Variants in CNTN5 observed in about 807,000 individuals in gnomAD.
CNTN5 encodes the protein contactin 5.
CNTN5 carries 77 observed loss-of-function variants against 129.1 expected under a neutral mutation model. The observed-to-expected ratio is 0.60, with a 90% CI of 0.50 to 0.72. The LOEUF (loss-of-function observed/expected upper bound fraction) is 0.72. Ranked by LOEUF, CNTN5 falls within the 30% of genes least tolerant of loss-of-function variation. CNTN5 has a pLI of 0.00. For missense variants in CNTN5, 1,478 were observed against 1,328.8 expected, an observed-to-expected ratio of 1.11 and a Z score of -1.75; for synonymous variants, 509 against 465.6, an observed-to-expected ratio of 1.09 and a Z score of -1.20.
At chr11:99,778,845 AT>A (rs1266670873) in intron 3 of CNTN5, among the ~76,000 whole-genome samples, 22 of 140,182 alleles carry the variant, frequency 1.6e-4, no homozygotes, top group African/African-American at 4.5e-4. Context: ...AATATCAACA[AT>A]TTTTCTCTAT....
chr11:99,741,605 C>G (rs1943889962), intron 3 of CNTN5, among the ~76,000 whole-genome samples: 1 of 152,098 alleles, frequency 6.6e-6, no homozygotes, highest in Non-Finnish European at 1.5e-5. Flanking sequence ...ACTTACTTAA[C>G]TGTTCAATGA....
At chr11:100,130,439 G>C (rs10501947) in intron 13 of CNTN5, among the ~76,000 whole-genome samples, 6,907 of 152,148 alleles carry the variant, frequency 0.045, 354 homozygotes, top group African/African-American at 0.12. Context: ...CAAAGAATAT[G>C]GAAAAGAATA....
chr11:100,301,158 A>G (rs1951210226), intron 20 of CNTN5, among the ~76,000 whole-genome samples: 1 of 151,660 alleles, frequency 6.6e-6, no homozygotes, highest in Admixed American at 6.6e-5. Context: ...GTTATTCAGA[A>G]AGTACATATT....
chr11:100,050,720 GAT>G (rs1163160683), intron 9 of CNTN5, among the ~76,000 whole-genome samples: 1 of 151,944 alleles, frequency 6.6e-6, no homozygotes, highest in African/African-American at 2.4e-5. Context: ...TATATATGAA[GAT>G]ATATATGTTA....
intron 3 of CNTN5, among the ~76,000 whole-genome samples, chr11:99,647,522 G>C (rs1047643604): frequency 2.0e-5 from 3 of 151,734 alleles, no homozygotes; most frequent in African/African-American, 7.3e-5. Flanking sequence ...CACTATTAAT[G>C]ATCTTTTGTG....
At chr11:100,153,398 A>T (rs1312561957) in intron 13 of CNTN5, among the ~76,000 whole-genome samples, 1 of 152,126 alleles carries the variant, frequency 6.6e-6, no homozygotes, top group African/African-American at 2.4e-5. Flanking sequence ...TCTGATAATA[A>T]TGTATCTATT....
At chr11:100,033,037 T>G (rs1941803933) in intron 9 of CNTN5, among the ~76,000 whole-genome samples, 1 of 152,208 alleles carries the variant, frequency 6.6e-6, no homozygotes, top group Non-Finnish European at 1.5e-5. Flanking sequence ...GAAAATTAAA[T>G]AGGGAGGTAA....
intron 1 of CNTN5, among the ~76,000 whole-genome samples, chr11:99,307,242 C>T (rs189171437): frequency 2.0e-5 from 3 of 152,258 alleles, no homozygotes; most frequent in Admixed American, 2.0e-4. Flanking sequence ...AGGATTAATT[C>T]GTTCAAGTTA....
chr11:99,126,471 T>C (rs184019538), intron 1 of CNTN5, among the ~76,000 whole-genome samples: 1 of 152,304 alleles, frequency 6.6e-6, no homozygotes, highest in Admixed American at 6.5e-5. Context: ...TGTTCAGCCT[T>C]CTCCTGAATA....
chr11:99,145,148 C>A (rs1242903871), intron 1 of CNTN5, among the ~76,000 whole-genome samples: 2 of 152,130 alleles, frequency 1.3e-5, no homozygotes, highest in Non-Finnish European at 2.9e-5. Flanking sequence ...CAGCTCGCTA[C>A]AACCTCAGCC....
chr11:100,057,687 G>A (rs1943291930), intron 9 of CNTN5, among the ~76,000 whole-genome samples: 1 of 102,890 alleles, frequency 9.7e-6, no homozygotes, highest in Non-Finnish European at 1.9e-5. Context: ...ATTTCCCGAG[G>A]TCACCATAGC....
chr11:100,294,678 A>T (rs1421642877), intron 18 of CNTN5, among the ~76,000 whole-genome samples: 1 of 151,642 alleles, frequency 6.6e-6, no homozygotes, highest in Admixed American at 6.6e-5. Context: ...GTAAATATGT[A>T]TTTCTCTGGA....
At chr11:99,586,272 C>A (rs1014287074) in intron 3 of CNTN5, among the ~76,000 whole-genome samples, 1 of 152,098 alleles carries the variant, frequency 6.6e-6, no homozygotes, top group Non-Finnish European at 1.5e-5. Context: ...AACATTTGTG[C>A]TAACCATTGG....
chr11:99,789,089 TATAAG>T (rs1945644020), intron 3 of CNTN5, among the ~76,000 whole-genome samples: 1 of 151,888 alleles, frequency 6.6e-6, no homozygotes, highest in Admixed American at 6.6e-5. Flanking sequence ...AAAAAAAAAT[TATAAG>T]AAATAGTCCT....
intron 1 of CNTN5, among the ~76,000 whole-genome samples, chr11:99,021,562 C>G (rs1238783341): frequency 6.6e-6 from 1 of 152,072 alleles, no homozygotes; most frequent in Non-Finnish European, 1.5e-5. Context: ...ACGCAAATTG[C>G]AAATTGTAAG....
intron 2 of CNTN5, among the ~76,000 whole-genome samples, chr11:99,464,569 AG>A (rs1944860694): frequency 6.6e-6 from 1 of 152,154 alleles, no homozygotes; most frequent in Non-Finnish European, 1.5e-5. Context: ...TAACAGGAAA[AG>A]GTGTCTGTTT....
At chr11:99,361,180 A>C (rs1939085325) in intron 2 of CNTN5, among the ~76,000 whole-genome samples, 1 of 152,172 alleles carries the variant, frequency 6.6e-6, no homozygotes, top group African/African-American at 2.4e-5. Flanking sequence ...ACGACCTCTT[A>C]GAAAAGCTTT....
chr11:99,276,105 C>T (rs1426284677), intron 1 of CNTN5, among the ~76,000 whole-genome samples: 5 of 151,638 alleles, frequency 3.3e-5, no homozygotes, highest in Non-Finnish European at 1.5e-5. Context: ...CTTCAATATT[C>T]CCCTGATTTA....
chr11:99,272,421 A>G (rs1863218030), intron 1 of CNTN5, among the ~76,000 whole-genome samples: 1 of 151,804 alleles, frequency 6.6e-6, no homozygotes, highest in African/African-American at 2.4e-5. Flanking sequence ...GTATTTTTAC[A>G]AAATTATTTT....
Sources: allele counts gnomAD v4.1 joint callset (sites outside exome capture counted in the v4.1 genomes callset), GRCh38; gene constraint gnomAD v4.1.1; transcripts MANE v1.5; gene names NCBI Gene and HGNC (gene_info 2026-07-23, HGNC 2026-07-21).